Variants in EBF1 observed in about 807,000 individuals in gnomAD.
EBF1 encodes the protein transcription factor COE1.
EBF1 carries 10 observed loss-of-function variants against 68.4 expected under a neutral mutation model. That is an observed-to-expected ratio of 0.15 (90% CI 0.09 to 0.25). The LOEUF (loss-of-function observed/expected upper bound fraction) is 0.25, where lower values mean the gene tolerates loss of function less well. Among genes scored for constraint, EBF1 ranks in the 10% least tolerant of loss-of-function variants. EBF1 has a pLI of 1.00. For missense variants in EBF1, 509 were observed against 794.4 expected, an observed-to-expected ratio of 0.64 and a Z score of 4.32; for synonymous variants, 298 against 299.8, an observed-to-expected ratio of 0.99 and a Z score of 0.06.
intron 6 of EBF1, among the ~76,000 whole-genome samples, chr5:158,991,481 A>G (rs1040451418): frequency 1.3e-5 from 2 of 152,194 alleles, no homozygotes; most frequent in African/African-American, 4.8e-5. Flanking sequence ...TAAAAACACT[A>G]CCACATGTTT....
In EBF1 at chr5:159,084,751, A is replaced by C; in HGVS notation, c.412-12T>G. On this transcript the variant is annotated splice_polypyrimidine_tract_variant and intron_variant, in intron 4 of 15. Coordinates refer to ENST00000313708, the MANE Select transcript of EBF1 (RefSeq NM_024007.5). ...TCATACACTATGGCCTAAAAGCAAA[A>C]GCACAGTTTTAGCTAAGAATGGAAA... 6.3e-7 allele frequency: 1 copy of C among 1,584,232 alleles called. No homozygotes were observed. The highest frequency in any genetic ancestry group is 8.6e-7 in the Non-Finnish European group (1 of 1,165,512).
chr5:158,779,930 T>G (rs1776091079), intron 9 of EBF1, among the ~76,000 whole-genome samples: 2 of 152,190 alleles, frequency 1.3e-5, no homozygotes, highest in Admixed American at 1.3e-4. Flanking sequence ...TTGCCCTAAC[T>G]AAAGCAGAGA....
At position 158,979,927 on chromosome 5, in the gene EBF1, T is replaced by TGCTTGCAG. The variant is rs1757567444; in HGVS notation, c.554+93461_554+93468dup. ...TGGCCCCTTCCCTGCGTTCACTCTCTGCTTGCAGCATCATTGCTTTCCTCT... is the reference window on the plus strand; with the variant it reads ...TGGCCCCTTCCCTGCGTTCACTCTCTGCTTGCAGGCTTGCAGCATCATTGCTTTCCTCT... On this transcript the variant is annotated intron_variant, in intron 6 of 15. Transcript: ENST00000313708. Among the ~76,000 whole-genome samples the TGCTTGCAG allele has an allele frequency of 2.6e-5, 4 of 152,346 alleles. 1 individual carries two copies. In the South Asian group the frequency reaches 8.3e-4, roughly 32 times the overall value.
chr5:158,820,722 A>G (rs895987018), intron 8 of EBF1, among the ~76,000 whole-genome samples: 1 of 152,224 alleles, frequency 6.6e-6, no homozygotes, highest in Admixed American at 6.5e-5. Context: ...AAAATATAGT[A>G]ATATGGCCAT....
chr5:158,760,574 G>T (rs1024706715), intron 10 of EBF1, among the ~76,000 whole-genome samples: 1 of 152,022 alleles, frequency 6.6e-6, no homozygotes, highest in African/African-American at 2.4e-5. Context: ...ATTATTGCAG[G>T]TCCCACTCTC....
Position 158,777,414 on chromosome 5 carries a change from T to C in EBF1, c.1035A>G (p.Thr345=). The change falls in exon 10 of 16, where the codon ACA becomes ACG. Residue 345 remains threonine, a splice_region_variant and synonymous_variant. Transcript: ENST00000313708. ...CTCACCATGTGCTGTGGTTCTTACC[T>C]GTATAAATGAATCTGCCTGGTGTTC... ...CKGTPGRFIY[T]ALNEPTIDYG... The C allele has an allele frequency of 6.2e-7, 1 of 1,610,320 alleles. No individual in the cohort carries two copies. Among genetic ancestry groups the C allele is most frequent in the South Asian group, 1.1e-5 (1 of 90,426 alleles).
At chr5:159,092,287 G>A (rs1292849333) in intron 4 of EBF1, among the ~76,000 whole-genome samples, 3 of 152,174 alleles carry the variant, frequency 2.0e-5, no homozygotes, top group Non-Finnish European at 2.9e-5. Context: ...TTTTAGTCCA[G>A]CTAAACTTGG....
At chr5:158,751,108 G>A (rs1182414202) in intron 10 of EBF1, among the ~76,000 whole-genome samples, 1 of 151,998 alleles carries the variant, frequency 6.6e-6, no homozygotes, top group Admixed American at 6.6e-5. Context: ...CGAAGAAAAT[G>A]TTCATATATA....
At chr5:158,958,770 C>A (rs1169383706) in intron 6 of EBF1, among the ~76,000 whole-genome samples, 1 of 152,104 alleles carries the variant, frequency 6.6e-6, no homozygotes, top group African/African-American at 2.4e-5. Flanking sequence ...GAGACTCTTA[C>A]ACAACCAGAA....
chr5:158,946,419 T>C (rs1814727287), intron 6 of EBF1, among the ~76,000 whole-genome samples: 1 of 152,196 alleles, frequency 6.6e-6, no homozygotes, highest in South Asian at 2.1e-4. Flanking sequence ...TGTTTGTTAG[T>C]TTTCCTTCTA....
chr5:158,944,711 CA>C (rs889619486), intron 6 of EBF1, among the ~76,000 whole-genome samples: 1 of 152,166 alleles, frequency 6.6e-6, no homozygotes, highest in Non-Finnish European at 1.5e-5. Flanking sequence ...CCTATTTCTC[CA>C]CATCCTCTCC....
At chr5:158,848,063 A>G (rs1791877930) in intron 6 of EBF1, among the ~76,000 whole-genome samples, 1 of 152,212 alleles carries the variant, frequency 6.6e-6, no homozygotes, top group South Asian at 2.1e-4. Flanking sequence ...CAAGCACTGC[A>G]CCATGTGTAA....
At chr5:158,809,461 TAAA>T (rs1354671299) in intron 8 of EBF1, among the ~76,000 whole-genome samples, 2 of 152,164 alleles carry the variant, frequency 1.3e-5, no homozygotes. Flanking sequence ...CAAAGTCCCA[TAAA>T]ATCTTAAGTT....
intron 10 of EBF1, among the ~76,000 whole-genome samples, chr5:158,766,987 G>T (rs1229067358): frequency 6.6e-6 from 1 of 152,056 alleles, no homozygotes; most frequent in Admixed American, 6.6e-5. Context: ...CATTACATTG[G>T]CAAGAATACA....
chr5:158,825,363 C>T (rs1488301089), intron 7 of EBF1, among the ~76,000 whole-genome samples: 1 of 152,038 alleles, frequency 6.6e-6, no homozygotes, highest in East Asian at 1.9e-4. Context: ...TTTTGATTTA[C>T]TATGAGACCA....
intron 6 of EBF1, among the ~76,000 whole-genome samples, chr5:158,939,884 A>C (rs975541688): frequency 3.3e-5 from 5 of 152,160 alleles, no homozygotes; most frequent in African/African-American, 1.2e-4. Context: ...CCAAGCTAAC[A>C]AACACCATGG....
chr5:158,911,460 GT>G (rs34940077), intron 6 of EBF1, among the ~76,000 whole-genome samples: 1 of 151,272 alleles, frequency 6.6e-6, no homozygotes, highest in Non-Finnish European at 1.5e-5. Context: ...GGATAGAGGG[GT>G]TTTTTTTTAG....
chr5:159,043,584 G>C (rs1384987374), intron 6 of EBF1, among the ~76,000 whole-genome samples: 1 of 152,002 alleles, frequency 6.6e-6, no homozygotes, highest in East Asian at 1.9e-4. Flanking sequence ...TATTATTCTA[G>C]CCAGATCTGA....
intron 6 of EBF1, among the ~76,000 whole-genome samples, chr5:159,009,462 T>G (rs778805348): frequency 6.6e-5 from 10 of 152,214 alleles, no homozygotes; most frequent in Non-Finnish European, 1.3e-4. Context: ...TTCTTTACTA[T>G]GCCAGCCCTG....
Sources: gnomAD v4.1 joint callset for allele counts (sites outside exome capture counted in the v4.1 genomes callset) on GRCh38, gnomAD v4.1.1 for gene constraint, MANE v1.5 for transcripts, NCBI Gene and HGNC (gene_info 2026-07-23, HGNC 2026-07-21) for gene names.